The following PCDHA5 variants were observed in gnomAD, a reference collection of about 807,000 sequenced individuals.
PCDHA5 encodes the protein protocadherin alpha-5.
Under a neutral mutation model 61.6 loss-of-function variants are expected in PCDHA5, and 43 were observed. The ratio of observed to expected loss-of-function variants is 0.70; its 90% CI spans 0.55 to 0.90. PCDHA5 has a LOEUF of 0.90. PCDHA5 is among the 40% of genes least tolerant of loss of function. The pLI, the probability that PCDHA5 is intolerant of heterozygous loss-of-function variation, is 0.00. For missense variants in PCDHA5, 1,298 were observed against 1,222.7 expected (o/e 1.06, Z -0.92); for synonymous variants, 627 against 543.9 (o/e 1.15, Z -2.13).
At chr5:140,882,365 T>C (rs141224516) in intron 1 of PCDHA5, 1 of 1,614,208 alleles carries the variant, frequency 6.2e-7, no homozygotes, top group Non-Finnish European at 8.5e-7. Context: ...CCAGCTCCAC[T>C]ACTCCGTCCC....
chr5:140,898,118 A>T (rs2153459272), intron 1 of PCDHA5, among the ~76,000 whole-genome samples: 1 of 151,730 alleles, frequency 6.6e-6, no homozygotes, highest in Non-Finnish European at 1.5e-5. Context: ...GGTTGCGAAA[A>T]TTTTCTCCCA....
intron 1 of PCDHA5, among the ~76,000 whole-genome samples, chr5:140,891,171 A>T (rs1221936185): frequency 1.3e-5 from 2 of 151,478 alleles, no homozygotes; most frequent in African/African-American, 4.9e-5. Flanking sequence ...TGCTTTTCAG[A>T]TTTTCTGTGT....
intron 1 of PCDHA5, chr5:140,836,790 T>G: frequency 2.1e-6 from 3 of 1,427,258 alleles, no homozygotes; most frequent in Middle Eastern, 1.8e-4. Flanking sequence ...TTAGTTCAAT[T>G]GGTCTCCTTA....
intron 1 of PCDHA5, chr5:140,883,426 C>T: frequency 6.2e-7 from 1 of 1,614,196 alleles, no homozygotes; most frequent in Non-Finnish European, 8.5e-7. Context: ...GACAGGTCAC[C>T]TGCACCTTGA....
Position 140,829,552 on chromosome 5 carries a change from C to T in PCDHA5, c.2352+5425C>T, listed in dbSNP as rs1302023406. ...CGCGAGACGCGGACGCGCAGGAGAA[C>T]GCGCTGGTGTCCTACTCGCTGGTGG... On this transcript the variant is annotated intron_variant, in intron 1 of 3. Transcript: ENST00000529859. The T allele has an allele frequency of 3.1e-6, 5 of 1,612,754 alleles. No individual in the cohort carries two copies. In the Admixed American group the frequency reaches 6.7e-5, roughly 22 times the overall value.
intron 1 of PCDHA5, among the ~76,000 whole-genome samples, chr5:140,893,926 C>G (rs1481035774): frequency 6.6e-6 from 1 of 152,180 alleles, no homozygotes; most frequent in Non-Finnish European, 1.5e-5. Context: ...TTTTCAGAAT[C>G]TCTACCTGTT....
At chr5:140,928,928 C>T in intron 1 of PCDHA5, 3 of 1,614,130 alleles carry the variant, frequency 1.9e-6, no homozygotes, top group Non-Finnish European at 2.5e-6. Context: ...CAGCTTTCTG[C>T]CCAGAACTTG....
At position 140,948,398 on chromosome 5, in the gene PCDHA5, T is replaced by G. The variant is rs147325819; in HGVS notation, c.2353-30551T>G. 6.9e-3 allele frequency among the ~76,000 whole-genome samples: 1,051 copies of G among 151,748 alleles called. 6 individuals carry two copies. The highest frequency in any genetic ancestry group is 0.017 in the Middle Eastern group (5 of 294). Reference sequence around the variant, plus strand: ...CCTTCCTCTATTTTCTGAAAGGTTGTGTAATATTGGTGTTATTTCTTCCTT... The same window carrying G: ...CCTTCCTCTATTTTCTGAAAGGTTGGGTAATATTGGTGTTATTTCTTCCTT... On this transcript the variant is annotated intron_variant, in intron 1 of 3. Transcript: ENST00000529859.
At chr5:140,877,296 C>A (rs781799440) in intron 1 of PCDHA5, 2 of 1,613,942 alleles carry the variant, frequency 1.2e-6, no homozygotes, top group Non-Finnish European at 1.7e-6. Context: ...CTTGGCTGTC[C>A]TACGAGTTGC....
intron 1 of PCDHA5, among the ~76,000 whole-genome samples, chr5:140,920,012 G>A (rs531392984): frequency 2.6e-5 from 4 of 152,314 alleles, no homozygotes; most frequent in East Asian, 1.9e-4. Context: ...AAGGCCATGC[G>A]AAGATGGAGA....
intron 1 of PCDHA5, chr5:140,876,811 G>A (rs2153346110): frequency 9.3e-6 from 15 of 1,614,218 alleles, no homozygotes; most frequent in Non-Finnish European, 1.3e-5. Context: ...GGAGGTGGCC[G>A]ACGTGAACGA....
chr5:140,850,106 G>A lies in PCDHA5; in HGVS notation c.2352+25979G>A, dbSNP rs2150467412. 3.5e-5 allele frequency: 56 copies of A among 1,596,106 alleles called. 1 individual carries two copies. Among genetic ancestry groups the A allele is most frequent in the African/African-American group, 4.0e-5 (3 of 74,354 alleles). ...AGCTGCTACAGTTCCAGGTGAGCGC[G>A]CGCGACGCGGGCGTGCCGCCTCTGG... is the stretch of plus-strand genomic sequence containing the variant. On this transcript the variant is annotated intron_variant, in intron 1 of 3. Transcript: ENST00000529859.
intron 1 of PCDHA5, chr5:140,875,971 CTT>C: frequency 6.2e-7 from 1 of 1,614,030 alleles, no homozygotes. Flanking sequence ...CGTAAACTCT[CTT>C]TTGACCTATG....
chr5:140,857,483 T>G, intron 1 of PCDHA5: 1 of 1,598,450 alleles, frequency 6.3e-7, no homozygotes. Context: ...GGTGTCTGCG[T>G]GGGACGCGGA....
At chr5:141,001,223 A>G (rs1349302343) in intron 3 of PCDHA5, among the ~76,000 whole-genome samples, 6 of 152,228 alleles carry the variant, frequency 3.9e-5, no homozygotes, top group Non-Finnish European at 8.8e-5. Context: ...AAGGATAGTT[A>G]CATTTAATCT....
intron 1 of PCDHA5, among the ~76,000 whole-genome samples, chr5:140,845,875 A>C: frequency 6.7e-6 from 1 of 149,840 alleles, no homozygotes; most frequent in East Asian, 1.9e-4. Context: ...AAGGCAACCT[A>C]AAATGTCAGA....
chr5:140,921,017 T>C (rs2153559418), intron 1 of PCDHA5, among the ~76,000 whole-genome samples: 1 of 152,192 alleles, frequency 6.6e-6, no homozygotes, highest in African/African-American at 2.4e-5. Context: ...TCTTGCTATG[T>C]TTTCTAGACT....
Position 140,969,193 on chromosome 5 carries a change from C to T in PCDHA5, c.2353-9756C>T, listed in dbSNP as rs1232655466. The T allele has an allele frequency of 8.1e-6, 13 of 1,614,002 alleles. No homozygotes were observed. In the African/African-American group the frequency reaches 1.2e-4, roughly 15 times the overall value. ...CAGGGAGTGACACTTTCATGTTTTA[C>T]AATACAGGGGCCCAGACAGGACCAG... is the stretch of plus-strand genomic sequence containing the variant. On this transcript the variant is annotated intron_variant, in intron 1 of 3. Transcript: ENST00000529859.
At chr5:140,882,832 A>T (rs781961557) in intron 1 of PCDHA5, 1 of 1,614,216 alleles carries the variant, frequency 6.2e-7, no homozygotes, top group Non-Finnish European at 8.5e-7. Flanking sequence ...GTCTTGAGCA[A>T]ATGTCTTCAT....
Sources: allele counts gnomAD v4.1 joint callset (sites outside exome capture counted in the v4.1 genomes callset), GRCh38; gene constraint gnomAD v4.1.1; transcripts MANE v1.5; gene names NCBI Gene and HGNC (gene_info 2026-07-23, HGNC 2026-07-21).